Variants in MAPRE2 observed in about 807,000 individuals in gnomAD.
MAPRE2 encodes microtubule associated protein RP/EB family member 2.
Under a neutral mutation model 43.2 loss-of-function variants are expected in MAPRE2, and 13 were observed. The observed-to-expected ratio is 0.30, with a 90% CI of 0.20 to 0.48. The LOEUF (loss-of-function observed/expected upper bound fraction) is 0.48. Among genes scored for constraint, MAPRE2 ranks in the 20% least tolerant of loss-of-function variants. The pLI is 0.99. For synonymous variants in MAPRE2, 135 were observed against 148.8 expected (o/e 0.91, Z 0.68); for missense variants, 161 against 400.2 (o/e 0.40, Z 5.10).
At chr18:34,993,702 C>A (rs1309156111) in intron 1 of MAPRE2, among the ~76,000 whole-genome samples, 1 of 152,106 alleles carries the variant, frequency 6.6e-6, no homozygotes, top group South Asian at 2.1e-4. Flanking sequence ...CTGGCCAGGC[C>A]GTGGTGTTAC....
At position 35,063,296 on chromosome 18, in the gene MAPRE2, A is replaced by G. The variant is rs569406472; in HGVS notation, c.123-6899A>G. On this transcript the variant is annotated intron_variant, in intron 1 of 6. Transcript: ENST00000300249. ...TTTTTTTTTTGTATTTTTAGTAGAGATGGGGTTTCACCGTGTTAGCCAGGA... is the reference window on the plus strand; with the variant it reads ...TTTTTTTTTTGTATTTTTAGTAGAGGTGGGGTTTCACCGTGTTAGCCAGGA... Among the ~76,000 whole-genome samples the G allele has an allele frequency of 7.3e-3, 1,112 of 151,722 alleles. 7 individuals carry two copies. Among genetic ancestry groups the G allele is most frequent in the South Asian group, 0.034 (161 of 4,784 alleles).
At chr18:34,983,718 C>T (rs754590806) in intron 1 of MAPRE2, among the ~76,000 whole-genome samples, 3 of 152,172 alleles carry the variant, frequency 2.0e-5, no homozygotes, top group Non-Finnish European at 4.4e-5. Context: ...CAACCTCCAC[C>T]TCCCAGGTTC....
chr18:35,063,500 GAGA>G (rs1906665153), intron 1 of MAPRE2, among the ~76,000 whole-genome samples: 2 of 150,906 alleles, frequency 1.3e-5, no homozygotes, highest in South Asian at 4.2e-4. Flanking sequence ...AAAAAAAAAG[GAGA>G]AGAAGGTAGC....
intron 2 of MAPRE2, among the ~76,000 whole-genome samples, chr18:35,075,966 G>A (rs16966396): frequency 0.029 from 4,365 of 152,200 alleles, 200 homozygotes; most frequent in African/African-American, 0.1. Context: ...GAAGATGAAC[G>A]TAAATTGCTG....
intron 5 of MAPRE2, chr18:35,127,291 T>C: frequency 3.6e-6 from 2 of 552,680 alleles, no homozygotes; most frequent in African/African-American, 1.9e-5. Context: ...ATCTCAAAGC[T>C]GTACATTAAG....
chr18:35,004,753 T>C (rs2097030973), intron 1 of MAPRE2, among the ~76,000 whole-genome samples: 1 of 151,962 alleles, frequency 6.6e-6, no homozygotes, highest in African/African-American at 2.4e-5. Flanking sequence ...CCGTCTCTAC[T>C]AAAAATACAG....
At chr18:35,048,230 G>C (rs1421017010) in intron 1 of MAPRE2, among the ~76,000 whole-genome samples, 1 of 152,102 alleles carries the variant, frequency 6.6e-6, no homozygotes, top group Admixed American at 6.6e-5. Flanking sequence ...TAGGCAACCA[G>C]CTCATGTGAG....
At chr18:35,120,744 CTCA>C (rs1467833148) in intron 4 of MAPRE2, among the ~76,000 whole-genome samples, 4 of 152,004 alleles carry the variant, frequency 2.6e-5, no homozygotes, top group Non-Finnish European at 5.9e-5. Context: ...TTTAACCAAG[CTCA>C]TCATCTGTTA....
chr18:35,063,653 C>G (rs558520247), intron 1 of MAPRE2, among the ~76,000 whole-genome samples: 28 of 152,126 alleles, frequency 1.8e-4, no homozygotes, highest in African/African-American at 5.3e-4. Flanking sequence ...GATGAACTTG[C>G]CTGAATTTGG....
intron 2 of MAPRE2, among the ~76,000 whole-genome samples, chr18:35,077,233 G>A (rs925280761): frequency 7.4e-5 from 9 of 121,670 alleles, no homozygotes; most frequent in Middle Eastern, 4.4e-3. Context: ...TCACAGATAC[G>A]CGCGCGTGCG....
intron 1 of MAPRE2, among the ~76,000 whole-genome samples, chr18:35,048,680 C>T (rs915006317): frequency 1.3e-5 from 2 of 148,210 alleles, no homozygotes; most frequent in Non-Finnish European, 3.0e-5. Flanking sequence ...TAATACTATA[C>T]GTACACTATA....
In MAPRE2 at chr18:35,107,756, G is replaced by C. The variant is rs1042981886; in HGVS notation, c.610+5597G>C. The stretch of plus-strand genomic sequence containing the variant: ...ATGGTATTATTCAGATCTTCTATGT[G>C]CGTTTTTTTACTTACCTAATACCAG... On this transcript the variant is annotated intron_variant, in intron 4 of 6. Coordinates refer to ENST00000300249, the MANE Select transcript of MAPRE2 (RefSeq NM_014268.4). 2.0e-5 allele frequency among the ~76,000 whole-genome samples: 3 copies of C among 151,922 alleles called. No homozygotes were observed. In the South Asian group the frequency reaches 6.2e-4, roughly 32 times the overall value.
chr18:35,088,872 A>C (rs1908003941), intron 2 of MAPRE2, among the ~76,000 whole-genome samples: 1 of 152,240 alleles, frequency 6.6e-6, no homozygotes, highest in East Asian at 1.9e-4. Context: ...CCTTGACCAG[A>C]ACATGGTGAG....
chr18:35,036,114 G>T (rs368341800), intron 2 of MAPRE2, among the ~76,000 whole-genome samples: 7 of 151,648 alleles, frequency 4.6e-5, no homozygotes, highest in African/African-American at 1.7e-4. Flanking sequence ...TCCTTAGCTT[G>T]ATAAATGGTA....
At chr18:35,130,241 G>T (rs546641627) in intron 5 of MAPRE2, among the ~76,000 whole-genome samples, 29 of 152,232 alleles carry the variant, frequency 1.9e-4, no homozygotes, top group African/African-American at 6.5e-4. Context: ...CCTGGGGAGA[G>T]GTTGGTTTGT....
At chr18:35,066,415 C>G (rs528401026) in intron 1 of MAPRE2, among the ~76,000 whole-genome samples, 14 of 152,242 alleles carry the variant, frequency 9.2e-5, no homozygotes, top group African/African-American at 3.4e-4. Flanking sequence ...GGGACAAGTA[C>G]TTTTACCTTT....
At chr18:35,011,622 A>G (rs1257217254) in intron 2 of MAPRE2, among the ~76,000 whole-genome samples, 5 of 152,156 alleles carry the variant, frequency 3.3e-5, no homozygotes, top group African/African-American at 1.2e-4. Flanking sequence ...AAAGATCAGG[A>G]AGGGACATGA....
intron 1 of MAPRE2, among the ~76,000 whole-genome samples, chr18:34,982,083 A>C (rs1002321249): frequency 4.0e-5 from 6 of 151,604 alleles, no homozygotes; most frequent in East Asian, 1.9e-4. Flanking sequence ...CGGGGTTTCA[A>C]CGTGTTAGCC....
At chr18:35,003,532 A>G (rs956210998) in intron 1 of MAPRE2, among the ~76,000 whole-genome samples, 1 of 150,880 alleles carries the variant, frequency 6.6e-6, no homozygotes, top group African/African-American at 2.4e-5. Context: ...TTCTTCTCCA[A>G]ACTGATCCAT....
Sources: allele counts gnomAD v4.1 joint callset (sites outside exome capture counted in the v4.1 genomes callset), GRCh38; gene constraint gnomAD v4.1.1; transcripts MANE v1.5; gene names NCBI Gene and HGNC (gene_info 2026-07-23, HGNC 2026-07-21).